Variants in SCLT1 observed in about 807,000 individuals in gnomAD.
SCLT1 encodes the protein sodium channel-associated protein 1.
A neutral mutation model predicts 112.8 loss-of-function variants in SCLT1; 78 were observed. That is an observed-to-expected ratio of 0.69 (90% CI 0.58 to 0.83). The LOEUF (loss-of-function observed/expected upper bound fraction) is 0.83. SCLT1 is among the 40% of genes least tolerant of loss of function. The pLI is 0.00. For missense variants in SCLT1, 747 were observed against 770.4 expected (o/e 0.97, Z 0.36); for synonymous variants, 257 against 254.7 (o/e 1.01, Z -0.09).
In SCLT1 at chr4:129,093,109, T is replaced by C. The variant is rs777827970; in HGVS notation, c.-6A>G. On this transcript the variant is annotated 5_prime_UTR_variant, in exon 1 of 21. Transcript: ENST00000281142. ...AAGTCGATTTCTGCAGCCATTTCGA[T>C]ACAATTTTAGTTTAGAGCTTTCACC... 55 of 1,613,456 alleles carry C rather than the reference T, an allele frequency of 3.4e-5. 1 individual carries two copies. The South Asian group carries it at 5.7e-4, about 17-fold the overall frequency.
intron 4 of SCLT1, chr4:129,040,181 A>C: frequency 1.4e-6 from 1 of 702,666 alleles, no homozygotes; most frequent in Non-Finnish European, 2.6e-6. Flanking sequence ...ATTTGGTTTG[A>C]AAGGTGAACT....
chr4:129,022,394 C>A (rs1560975898), intron 5 of SCLT1, among the ~76,000 whole-genome samples: 1 of 152,126 alleles, frequency 6.6e-6, no homozygotes. Context: ...AGCTAGGAAC[C>A]TTGACAAAAG....
chr4:128,941,722 T>C (rs1737708630), intron 17 of SCLT1, among the ~76,000 whole-genome samples: 1 of 152,146 alleles, frequency 6.6e-6, no homozygotes, highest in Admixed American at 6.5e-5. Context: ...TTTTGTGCTC[T>C]GTTTAAGAAA....
intron 2 of SCLT1, among the ~76,000 whole-genome samples, chr4:129,058,787 TGA>T (rs940036829): frequency 2.6e-5 from 4 of 152,158 alleles, no homozygotes; most frequent in East Asian, 1.9e-4. Flanking sequence ...AGTCCAATGC[TGA>T]GAGTGGGGTG....
intron 2 of SCLT1, among the ~76,000 whole-genome samples, chr4:129,045,184 TTTC>T (rs1469312400): frequency 6.6e-6 from 1 of 152,136 alleles, no homozygotes; most frequent in African/African-American, 2.4e-5. Context: ...TAGACAATGC[TTTC>T]TTAACGTCAC....
At chr4:128,927,129 T>C (rs965476416) in intron 18 of SCLT1, among the ~76,000 whole-genome samples, 2 of 151,938 alleles carry the variant, frequency 1.3e-5, no homozygotes, top group Admixed American at 6.6e-5. Context: ...GTGAATGAAA[T>C]GGCCTGAAAC....
chr4:128,957,552 T>C lies in SCLT1; in HGVS notation c.1048-428A>G, dbSNP rs187561874. Among the ~76,000 whole-genome samples the C allele has an allele frequency of 1.9e-3, 295 of 152,268 alleles. 1 individual carries two copies. The highest frequency in any genetic ancestry group is 3.1e-3 in the Non-Finnish European group (211 of 67,996). On this transcript the variant is annotated intron_variant, in intron 12 of 20. Coordinates refer to ENST00000281142, the MANE Select transcript of SCLT1 (RefSeq NM_144643.4). Reference sequence around the variant, plus strand: ...CTCATAATTTGATCATTGCAGACACTACTTGTTTTGTCTCTTTGATGTATT... The same window carrying C: ...CTCATAATTTGATCATTGCAGACACCACTTGTTTTGTCTCTTTGATGTATT...
chr4:129,003,492 A>T (rs1178377600), intron 6 of SCLT1, among the ~76,000 whole-genome samples: 1 of 151,892 alleles, frequency 6.6e-6, no homozygotes, highest in Non-Finnish European at 1.5e-5. Flanking sequence ...TAAGAAAAAA[A>T]CTCACGTCAA....
At chr4:128,910,346 G>A (rs1294612981) in intron 18 of SCLT1, among the ~76,000 whole-genome samples, 2 of 152,180 alleles carry the variant, frequency 1.3e-5, no homozygotes, top group African/African-American at 2.4e-5. Flanking sequence ...TTAATGAAAA[G>A]TGAGGCTGAA....
At chr4:128,881,459 G>A (rs996350487), downstream of SCLT1, among the ~76,000 whole-genome samples, 9 of 152,118 alleles carry the variant, frequency 5.9e-5, no homozygotes, top group African/African-American at 2.2e-4. Context: ...TGTTGCTAAT[G>A]TTTTCCAATG....
chr4:128,942,655 T>C (rs954228946), intron 17 of SCLT1, among the ~76,000 whole-genome samples: 6 of 152,156 alleles, frequency 3.9e-5, no homozygotes, highest in African/African-American at 1.4e-4. Flanking sequence ...AGTTCAACTT[T>C]TCAAAGGCTA....
chr4:129,057,244 G>A (rs146225400), intron 2 of SCLT1, among the ~76,000 whole-genome samples: 8 of 152,100 alleles, frequency 5.3e-5, no homozygotes, highest in African/African-American at 1.9e-4. Context: ...TTATTTTGTT[G>A]AAGAATTTTC....
intron 10 of SCLT1, among the ~76,000 whole-genome samples, chr4:128,969,609 T>G (rs1019446897): frequency 1.3e-5 from 2 of 151,588 alleles, no homozygotes; most frequent in African/African-American, 4.9e-5. Flanking sequence ...AATTTCCTAC[T>G]GCTTTTCTAG....
chr4:129,039,152 T>C, intron 4 of SCLT1, 56 bp from the exon 5 acceptor site: 1 of 1,072,898 alleles, frequency 9.3e-7, no homozygotes, highest in Admixed American at 1.8e-5. Flanking sequence ...AGATCTCCAT[T>C]AAGTAGACCA....
At chr4:129,089,121 C>G (rs1227743363) in intron 1 of SCLT1, among the ~76,000 whole-genome samples, 1 of 152,064 alleles carries the variant, frequency 6.6e-6, no homozygotes, top group Non-Finnish European at 1.5e-5. Flanking sequence ...AAGGTCAGAT[C>G]CTACCCACAA....
chr4:128,968,064 A>G lies in SCLT1; in HGVS notation c.777+2314T>C, dbSNP rs568114109. ...ATAATTGGCTGTCAGTATCATTGTGATGTATCTCAAAGTGATTTTGTTTAC... is the reference window on the plus strand; with the variant it reads ...ATAATTGGCTGTCAGTATCATTGTGGTGTATCTCAAAGTGATTTTGTTTAC... On this transcript the variant is annotated intron_variant, in intron 10 of 20. Coordinates refer to ENST00000281142, the MANE Select transcript of SCLT1 (RefSeq NM_144643.4). Among the ~76,000 whole-genome samples the G allele has an allele frequency of 4.7e-4, 71 of 152,150 alleles. 1 individual carries two copies. Among genetic ancestry groups the G allele is most frequent in the Non-Finnish European group, 2.6e-4 (18 of 68,040 alleles).
chr4:128,880,444 T>A (rs1732614941), downstream of SCLT1, among the ~76,000 whole-genome samples: 1 of 152,184 alleles, frequency 6.6e-6, no homozygotes, highest in African/African-American at 2.4e-5. Context: ...ACATGGCCCC[T>A]ATCATACCTT....
At chr4:129,027,390 G>C (rs1746211956) in intron 5 of SCLT1, among the ~76,000 whole-genome samples, 1 of 152,164 alleles carries the variant, frequency 6.6e-6, no homozygotes, top group Non-Finnish European at 1.5e-5. Flanking sequence ...TGCAAAGCTG[G>C]TTAAATATAC....
intron 15 of SCLT1, among the ~76,000 whole-genome samples, chr4:128,947,397 C>T (rs557507075): frequency 3.7e-4 from 56 of 152,212 alleles, no homozygotes; most frequent in African/African-American, 1.3e-3. Flanking sequence ...ATTTTGAACA[C>T]ATGTATTTTT....
Sources: gnomAD v4.1 joint callset for allele counts (sites outside exome capture counted in the v4.1 genomes callset) on GRCh38, gnomAD v4.1.1 for gene constraint, MANE v1.5 for transcripts, NCBI Gene and HGNC (gene_info 2026-07-23, HGNC 2026-07-21) for gene names.